The following PRKCA variants were observed in gnomAD, a reference collection of about 807,000 sequenced individuals.
PRKCA encodes protein kinase C alpha type.
A neutral mutation model predicts 87.0 loss-of-function variants in PRKCA; 27 were observed. That is an observed-to-expected ratio of 0.31 (90% CI 0.23 to 0.43). PRKCA has a LOEUF of 0.43. Ranked by LOEUF, PRKCA falls within the 20% of genes least tolerant of loss-of-function variation. PRKCA has a pLI of 1.00. For missense variants in PRKCA, 518 were observed against 852.3 expected (o/e 0.61, Z 4.88); for synonymous variants, 329 against 311.1 (o/e 1.06, Z -0.61).
At chr17:66,778,182 C>A (rs1489281710) in intron 14 of PRKCA, 3 of 985,202 alleles carry the variant, frequency 3.0e-6, no homozygotes, top group Non-Finnish European at 3.6e-6. Context: ...ACTTAGCCTG[C>A]CTTATATGCA....
intron 5 of PRKCA, among the ~76,000 whole-genome samples, chr17:66,679,341 C>T (rs541659137): frequency 7.9e-5 from 12 of 152,228 alleles, no homozygotes; most frequent in Admixed American, 2.6e-4. Flanking sequence ...CCACCACACC[C>T]GGCTAATTTT....
At chr17:66,777,584 CA>C (rs1975088190) in intron 14 of PRKCA, 1 of 985,204 alleles carries the variant, frequency 1.0e-6, no homozygotes, top group Non-Finnish European at 1.2e-6. Context: ...AAAATTTTTA[CA>C]GTAAAATTCG....
At chr17:66,325,794 T>G (rs547713557) in intron 2 of PRKCA, among the ~76,000 whole-genome samples, 1 of 152,350 alleles carries the variant, frequency 6.6e-6, no homozygotes, top group East Asian at 1.9e-4. Flanking sequence ...TTTATAGGAC[T>G]GCAAGCTTTT....
At chr17:66,756,016 C>T (rs1195491801) in intron 13 of PRKCA, among the ~76,000 whole-genome samples, 3 of 152,266 alleles carry the variant, frequency 2.0e-5, no homozygotes, top group South Asian at 4.1e-4. Flanking sequence ...AAACCTGATC[C>T]GTAATCGGCA....
In PRKCA at chr17:66,740,519, C is replaced by T. The variant is rs548172332; in HGVS notation, c.1323-1140C>T. Among the ~76,000 whole-genome samples the T allele has an allele frequency of 4.6e-5, 7 of 152,196 alleles. No individual in the cohort carries two copies. The South Asian group carries it at 1.5e-3, about 32-fold the overall frequency. The stretch of plus-strand genomic sequence containing the variant: ...TTTGGCCTGCGAGGGATTATGCACC[C>T]TAGGGAAGATTAACTGAAGGCAGAA... On this transcript the variant is annotated intron_variant, in intron 11 of 16. Coordinates refer to ENST00000413366, the MANE Select transcript of PRKCA (RefSeq NM_002737.3).
intron 8 of PRKCA, among the ~76,000 whole-genome samples, chr17:66,727,442 A>G (rs919273420): frequency 4.9e-4 from 74 of 152,194 alleles, no homozygotes; most frequent in African/African-American, 1.8e-3. Context: ...ACTGGTGGGT[A>G]GAGGATTGAG....
intron 2 of PRKCA, among the ~76,000 whole-genome samples, chr17:66,441,208 T>TG (rs1913733883): frequency 6.8e-6 from 1 of 147,614 alleles, no homozygotes; most frequent in African/African-American, 2.5e-5. Context: ...CTAGGCATGA[T>TG]GGTACGTGCC....
In PRKCA at chr17:66,805,085, G is replaced by A. The variant is rs1030449182; in HGVS notation, c.*1048G>A. 58 of 983,420 alleles carry A rather than the reference G, an allele frequency of 5.9e-5. No individual in the cohort carries two copies. The Middle Eastern group carries it at 1.6e-3, about 27-fold the overall frequency. The allele number at this position is 983,420 out of a possible 1,614,324, so 60.9% of individuals were successfully genotyped here. A position where few individuals can be genotyped will look rare whatever the true frequency, so the allele number is the denominator to read the frequency against. On this transcript the variant is annotated 3_prime_UTR_variant, in exon 17 of 17. Coordinates refer to ENST00000413366, the MANE Select transcript of PRKCA (RefSeq NM_002737.3). ...GCTGACTCTAGCATCAGCCTCTACC[G>A]ATTGATTTTCCTCCCTTCTCTAGCC...
Position 66,778,252 on chromosome 17 carries a change from A to G in PRKCA, c.1605+4185A>G, listed in dbSNP as rs186144220. On this transcript the variant is annotated intron_variant, in intron 14 of 16. Transcript: ENST00000413366. ...GTGATGGCTGGGCCCGGTGGCTCAC[A>G]CCTGTAATCCCAGCACTTCGGGAGG... The G allele has an allele frequency of 4.1e-4, 394 of 967,998 alleles. 1 individual carries two copies. Among genetic ancestry groups the G allele is most frequent in the Middle Eastern group, 3.7e-3 (7 of 1,884 alleles). The allele number at this position is 967,998 out of a possible 1,614,324, so 60.0% of individuals were successfully genotyped here. A position where few individuals can be genotyped will look rare whatever the true frequency, so the allele number is the denominator to read the frequency against.
rs1476872903 is a variant in PRKCA, at chr17:66,715,656, A to G, written c.919-17032A>G. 4.6e-5 allele frequency among the ~76,000 whole-genome samples: 7 copies of G among 151,952 alleles called. No individual in the cohort carries two copies. The East Asian group carries it at 1.4e-3, about 29-fold the overall frequency. On this transcript the variant is annotated intron_variant, in intron 8 of 16. Transcript: ENST00000413366. ...TTTTGGCATCTGTAGTTCCGTTGGC[A>G]CTCTATAGTTCCGTTGGCATTTTGC... is the stretch of plus-strand genomic sequence containing the variant.
chr17:66,375,157 G>A (rs1383100803), intron 2 of PRKCA, among the ~76,000 whole-genome samples: 1 of 152,192 alleles, frequency 6.6e-6, no homozygotes, highest in Admixed American at 6.5e-5. Flanking sequence ...GATTTCAGGT[G>A]AGCAGAAGTT....
intron 2 of PRKCA, among the ~76,000 whole-genome samples, chr17:66,388,307 T>A (rs990410616): frequency 6.6e-6 from 1 of 152,090 alleles, no homozygotes; most frequent in African/African-American, 2.4e-5. Flanking sequence ...TTTTTTTTTT[T>A]CTTTGGGACG....
At chr17:66,309,242 G>C (rs555410262) in intron 2 of PRKCA, among the ~76,000 whole-genome samples, 1 of 152,256 alleles carries the variant, frequency 6.6e-6, no homozygotes, top group South Asian at 2.1e-4. Context: ...TGGTGAGTAG[G>C]TATTTGAAGA....
chr17:66,488,149 TTC>T (rs1916067023), intron 2 of PRKCA, among the ~76,000 whole-genome samples: 1 of 152,202 alleles, frequency 6.6e-6, no homozygotes, highest in Non-Finnish European at 1.5e-5. Context: ...CCCCTTGGTC[TTC>T]TCTGTTCATT....
intron 10 of PRKCA, among the ~76,000 whole-genome samples, chr17:66,735,920 CTTTT>C (rs5821508): frequency 5.7e-5 from 7 of 122,102 alleles, no homozygotes; most frequent in Admixed American, 8.8e-5. Context: ...TTCTTTCTTT[CTTTT>C]TTTTTTTTTT....
At position 66,666,835 on chromosome 17, in the gene PRKCA, C is replaced by G. The variant is rs144752348; in HGVS notation, c.530-20276C>G. On this transcript the variant is annotated intron_variant, in intron 5 of 16. Coordinates refer to ENST00000413366, the MANE Select transcript of PRKCA (RefSeq NM_002737.3). ...TCCAGGGAACCCTTTGAATCCCCCC[C>G]CCACACACAAATTTAGAGATTATTT... is the stretch of plus-strand genomic sequence containing the variant. 5.2e-3 allele frequency among the ~76,000 whole-genome samples: 788 copies of G among 152,180 alleles called. 11 individuals are homozygous for G. The highest frequency in any genetic ancestry group is 0.016 in the African/African-American group (677 of 41,526).
chr17:66,405,503 A>T (rs946023392), intron 2 of PRKCA, among the ~76,000 whole-genome samples: 2 of 152,164 alleles, frequency 1.3e-5, no homozygotes, highest in Non-Finnish European at 2.9e-5. Context: ...GTACCACTAG[A>T]TCTTCTAGCA....
intron 3 of PRKCA, among the ~76,000 whole-genome samples, chr17:66,640,147 A>G (rs1971252402): frequency 6.6e-6 from 1 of 152,154 alleles, no homozygotes; most frequent in South Asian, 2.1e-4. Context: ...GTCCTTATTT[A>G]TAGTAACCAC....
chr17:66,618,109 C>G (rs1348756519), intron 3 of PRKCA, among the ~76,000 whole-genome samples: 2 of 152,306 alleles, frequency 1.3e-5, no homozygotes, highest in East Asian at 3.9e-4. Flanking sequence ...AATCCCAACA[C>G]TTTCGGAGGC....
Sources: allele counts gnomAD v4.1 joint callset (sites outside exome capture counted in the v4.1 genomes callset), GRCh38; gene constraint gnomAD v4.1.1; transcripts MANE v1.5; gene names NCBI Gene and HGNC (gene_info 2026-07-23, HGNC 2026-07-21).